The following RBFOX1 variants were observed in gnomAD, a reference collection of about 807,000 sequenced individuals.
RBFOX1 encodes the protein RNA binding protein fox-1 homolog 1.
RBFOX1 carries 8 observed loss-of-function variants against 57.7 expected under a neutral mutation model. That is an observed-to-expected ratio of 0.14 (90% CI 0.08 to 0.25). RBFOX1 has a LOEUF of 0.25. Ranked by LOEUF, RBFOX1 falls within the 10% of genes least tolerant of loss-of-function variation. The pLI, the probability that RBFOX1 is intolerant of heterozygous loss-of-function variation, is 1.00. For synonymous variants in RBFOX1, 326 were observed against 222.4 expected (o/e 1.47, Z -4.15); for missense variants, 611 against 548.5 (o/e 1.11, Z -1.14).
At chr16:5,696,339 C>T (rs1004018983) in intron 3 of RBFOX1, among the ~76,000 whole-genome samples, 6 of 152,086 alleles carry the variant, frequency 3.9e-5, no homozygotes, top group African/African-American at 1.4e-4. Context: ...CATGTAATGC[C>T]AGTTTATTCA....
chr16:7,105,280 A>G (rs545897479), intron 4 of RBFOX1, among the ~76,000 whole-genome samples: 17 of 104,976 alleles, frequency 1.6e-4, no homozygotes, highest in African/African-American at 6.4e-4. Flanking sequence ...CTGGAACCAT[A>G]TGGTCTGATT....
At chr16:6,554,234 G>T (rs2153886733) in intron 2 of RBFOX1, among the ~76,000 whole-genome samples, 1 of 152,250 alleles carries the variant, frequency 6.6e-6, no homozygotes, top group South Asian at 2.1e-4. Context: ...AAGAACCAAT[G>T]GAGAAAGAAG....
At chr16:5,246,577 T>G (rs1203717261) in intron 1 of RBFOX1, among the ~76,000 whole-genome samples, 3 of 152,246 alleles carry the variant, frequency 2.0e-5, no homozygotes, top group African/African-American at 4.8e-5. Flanking sequence ...TCTCTAAAAA[T>G]GACATTCTGT....
intron 3 of RBFOX1, among the ~76,000 whole-genome samples, chr16:7,051,624 G>A (rs1280926751): frequency 6.6e-6 from 1 of 152,176 alleles, no homozygotes; most frequent in African/African-American, 2.4e-5. Context: ...GACACTACTG[G>A]CCCTAAACAT....
At chr16:6,035,228 C>T (rs1390442055) in intron 1 of RBFOX1, among the ~76,000 whole-genome samples, 1 of 152,158 alleles carries the variant, frequency 6.6e-6, no homozygotes, top group Non-Finnish European at 1.5e-5. Flanking sequence ...ATGCCGTGGG[C>T]ATCTGTAGCA....
rs1034319867 is a variant in RBFOX1 at position 6,265,108 on chromosome 16, C to T, written c.-126-51887C>T. Among the ~76,000 whole-genome samples the T allele has an allele frequency of 9.9e-5, 15 of 152,086 alleles. No individual in the cohort carries two copies. In the South Asian group the frequency reaches 1.7e-3, roughly 17 times the overall value. On this transcript the variant is annotated intron_variant, in intron 1 of 15. Transcript: ENST00000550418. The stretch of plus-strand genomic sequence containing the variant: ...CCTACAAGCCATTCAACAACCATAA[C>T]GGAGACAGTTATCTGGGGCTATTTT...
At chr16:6,516,667 G>T (rs963908455) in intron 2 of RBFOX1, among the ~76,000 whole-genome samples, 8 of 152,180 alleles carry the variant, frequency 5.3e-5, no homozygotes, top group African/African-American at 1.7e-4. Context: ...TGATTGTCAA[G>T]ATTTCAGTAA....
intron 2 of RBFOX1, among the ~76,000 whole-genome samples, chr16:5,492,657 A>C (rs1398312911): frequency 6.6e-6 from 1 of 152,170 alleles, no homozygotes. Context: ...GGATGAAATG[A>C]CATCTACCAC....
At chr16:6,594,744 C>T (rs1434076437) in intron 2 of RBFOX1, among the ~76,000 whole-genome samples, 4 of 151,868 alleles carry the variant, frequency 2.6e-5, no homozygotes, top group African/African-American at 7.3e-5. Context: ...ATATGGTATG[C>T]GTATGCCACA....
intron 2 of RBFOX1, among the ~76,000 whole-genome samples, chr16:6,537,440 C>G (rs1266009659): frequency 2.6e-5 from 4 of 152,176 alleles, no homozygotes; most frequent in African/African-American, 7.2e-5. Flanking sequence ...TTATTTAACA[C>G]TCACAACAGT....
chr16:6,961,477 G>T (rs184271494), intron 3 of RBFOX1, among the ~76,000 whole-genome samples: 14 of 152,322 alleles, frequency 9.2e-5, no homozygotes, highest in Middle Eastern at 3.4e-3. Flanking sequence ...GATCCCAAAG[G>T]AGGGTTCTTG....
chr16:7,522,858 CTG>C (rs1346429425), intron 5 of RBFOX1, among the ~76,000 whole-genome samples: 1 of 152,274 alleles, frequency 6.6e-6, no homozygotes, highest in East Asian at 1.9e-4. Flanking sequence ...ATACAATAAA[CTG>C]TATATATTTA....
chr16:7,250,319 A>T (rs2094458968), intron 4 of RBFOX1, among the ~76,000 whole-genome samples: 1 of 152,296 alleles, frequency 6.6e-6, no homozygotes, highest in Non-Finnish European at 1.5e-5. Context: ...GGAGCGTGGG[A>T]TGCTTATATT....
At chr16:6,661,272 C>T (rs893040469) in intron 3 of RBFOX1, among the ~76,000 whole-genome samples, 1 of 152,198 alleles carries the variant, frequency 6.6e-6, no homozygotes, top group Non-Finnish European at 1.5e-5. Context: ...TTAGAAAGAG[C>T]TCCCATGTGC....
At chr16:5,804,660 C>A (rs577615900) in intron 3 of RBFOX1, among the ~76,000 whole-genome samples, 2 of 152,246 alleles carry the variant, frequency 1.3e-5, no homozygotes, top group East Asian at 3.9e-4. Flanking sequence ...CCTCTTCTGC[C>A]CATTGTGAAA....
At chr16:7,182,071 G>A (rs544877689) in intron 4 of RBFOX1, among the ~76,000 whole-genome samples, 26 of 152,144 alleles carry the variant, frequency 1.7e-4, no homozygotes, top group Admixed American at 6.5e-5. Context: ...TAAACTGAAT[G>A]AGTCTTCAGA....
intron 4 of RBFOX1, among the ~76,000 whole-genome samples, chr16:7,055,605 A>T (rs1055402287): frequency 6.6e-6 from 1 of 152,160 alleles, no homozygotes; most frequent in Non-Finnish European, 1.5e-5. Context: ...AGAATTCGTC[A>T]CTGCAGTCGT....
chr16:5,382,482 A>T (rs1026385334), intron 1 of RBFOX1, among the ~76,000 whole-genome samples: 1 of 151,952 alleles, frequency 6.6e-6, no homozygotes, highest in Non-Finnish European at 1.5e-5. Flanking sequence ...GAACTTCTGG[A>T]AAGTAGAATT....
At chr16:5,353,586 C>T (rs1256000641) in intron 1 of RBFOX1, among the ~76,000 whole-genome samples, 1 of 152,078 alleles carries the variant, frequency 6.6e-6, no homozygotes, top group East Asian at 1.9e-4. Flanking sequence ...AGGAGGACTA[C>T]ATAAGTCCTC....
Sources: allele counts gnomAD v4.1 joint callset (sites outside exome capture counted in the v4.1 genomes callset), GRCh38; gene constraint gnomAD v4.1.1; transcripts MANE v1.5; gene names NCBI Gene and HGNC (gene_info 2026-07-23, HGNC 2026-07-21).